TOM1L2: variants seen among roughly 807,000 people sequenced by gnomAD.
The protein encoded by TOM1L2 is TOM1-like protein 2.
Under a neutral mutation model 67.9 loss-of-function variants are expected in TOM1L2, and 31 were observed. The ratio of observed to expected loss-of-function variants is 0.46; its 90% confidence interval spans 0.34 to 0.62. TOM1L2 has a LOEUF of 0.62. TOM1L2 is among the 20% of genes least tolerant of loss of function. The probability of loss-of-function intolerance (pLI) is 0.01; values close to 1 mark genes in which losing one functional copy is unlikely to be tolerated. For synonymous variants in TOM1L2, 256 were observed against 254.0 expected (o/e 1.01, Z -0.07); for missense variants, 606 against 663.5 (o/e 0.91, Z 0.95).
At position 17,910,657 on chromosome 17, in the gene TOM1L2, C is replaced by T. The variant is rs531043529; in HGVS notation, c.53-3126G>A. Among the ~76,000 whole-genome samples, 358 of 151,642 alleles carry T rather than the reference C, an allele frequency of 2.4e-3. 1 individual carries two copies. Among genetic ancestry groups the T allele is most frequent in the Non-Finnish European group, 3.8e-3 (259 of 67,842 alleles). ...TGATCTCGGCTCACTGCAACCTTTA[C>T]CTCCTGGGTTCAAGCAATTCTCCTG... On this transcript the variant is annotated intron_variant, in intron 1 of 14. Transcript: ENST00000379504.
chr17:17,880,014 G>A (rs758623530), intron 6 of TOM1L2, among the ~76,000 whole-genome samples: 5 of 152,174 alleles, frequency 3.3e-5, no homozygotes, highest in Non-Finnish European at 5.9e-5. Flanking sequence ...GAAGGGCTCC[G>A]TGTCAGGAGT....
Position 17,861,480 on chromosome 17 carries a change from T to A in TOM1L2, c.1274A>T (p.Glu425Val), listed in dbSNP as rs1185640622. The A allele has an allele frequency of 6.2e-7, 1 of 1,614,020 alleles. No individual in the cohort carries two copies. The highest frequency in any genetic ancestry group is 1.7e-5 in the Admixed American group (1 of 60,030). ...AAAACAGGGTTAAAGACCTACCCCT[T>A]CTGAACTCTGTTTTCGATTGTCTAG... ...SALDNRKQSS[E>V]GIPVAQPSVM... Residue 425 changes from glutamate to valine, a missense_variant, in exon 12 of 15, where the codon GAA becomes GTA. Coordinates refer to ENST00000379504, the MANE Select transcript of TOM1L2 (RefSeq NM_001082968.2).
rs1277596046 is a variant in TOM1L2, at chr17:17,862,918, C to G, written c.1085-70G>C. The G allele has an allele frequency of 1.2e-5, 11 of 941,674 alleles. No homozygotes were observed. The African/African-American group carries it at 1.8e-4, about 15-fold the overall frequency. 58.3% of individuals were successfully genotyped at this position (941,674 alleles called of 1,614,324 possible). A position where few individuals can be genotyped will look rare whatever the true frequency, so the allele number is the denominator to read the frequency against. On this transcript the variant is annotated intron_variant, in intron 10 of 14. Coordinates refer to ENST00000379504, the MANE Select transcript of TOM1L2 (RefSeq NM_001082968.2). ...GACTGTAGATCTGATGAAGGGCCCC[C>G]AAGCTAGGACGCCAGCCAGGTGGGT...
intron 1 of TOM1L2, among the ~76,000 whole-genome samples, chr17:17,965,861 C>T (rs2041855372): frequency 6.6e-6 from 1 of 152,196 alleles, no homozygotes; most frequent in Admixed American, 6.5e-5. Context: ...TGGCTCACAC[C>T]TGTAATCCCA....
intron 9 of TOM1L2, 108 bp downstream of exon 9, chr17:17,866,768 C>G: frequency 8.5e-7 from 1 of 1,172,068 alleles, no homozygotes; most frequent in East Asian, 2.3e-5. Context: ...CTTCAATTTC[C>G]CAAATATTTC....
chr17:17,902,447 C>T (rs1225707699), intron 2 of TOM1L2, among the ~76,000 whole-genome samples: 1 of 152,210 alleles, frequency 6.6e-6, no homozygotes, highest in Admixed American at 6.5e-5. Context: ...GCCAGGTGAG[C>T]CTGTGCTTGC....
chr17:17,913,398 C>T (rs1422878695), intron 1 of TOM1L2, among the ~76,000 whole-genome samples: 1 of 151,956 alleles, frequency 6.6e-6, no homozygotes, highest in African/African-American at 2.4e-5. Flanking sequence ...GGAGCAGATG[C>T]CGGGCCATCC....
chr17:17,930,943 T>C (rs1367006065), intron 1 of TOM1L2, among the ~76,000 whole-genome samples: 2 of 152,186 alleles, frequency 1.3e-5, no homozygotes, highest in African/African-American at 4.8e-5. Flanking sequence ...ACAGTAAGTT[T>C]TGAGATTTAT....
rs2042149728 is a variant in TOM1L2, at chr17:17,972,383, A to C, written c.-70T>G. 6.5e-7 allele frequency: 1 copy of C among 1,542,186 alleles called. No individual in the cohort carries two copies. Among genetic ancestry groups the C allele is most frequent in the Non-Finnish European group, 8.8e-7 (1 of 1,142,110 alleles). On this transcript the variant is annotated 5_prime_UTR_variant, in exon 1 of 15. Coordinates refer to ENST00000379504, the MANE Select transcript of TOM1L2 (RefSeq NM_001082968.2). Reference sequence around the variant, plus strand: ...CTAGGCCTCCGCTGTAACCCGCCGGACTCCCGTCCTGACTGACACTTGCCC... The same window carrying C: ...CTAGGCCTCCGCTGTAACCCGCCGGCCTCCCGTCCTGACTGACACTTGCCC...
chr17:17,952,587 G>A (rs1384855016), intron 1 of TOM1L2, among the ~76,000 whole-genome samples: 4 of 151,778 alleles, frequency 2.6e-5, no homozygotes, highest in African/African-American at 9.7e-5. Context: ...TAGCAACAAG[G>A]TCTTACTGTG....
At chr17:17,970,759 C>T (rs1408693656) in intron 1 of TOM1L2, among the ~76,000 whole-genome samples, 1 of 151,476 alleles carries the variant, frequency 6.6e-6, no homozygotes, top group Non-Finnish European at 1.5e-5. Flanking sequence ...ATAGGCTCCA[C>T]TAAAGGCTGG....
chr17:17,900,211 C>T (rs2038779750), intron 2 of TOM1L2, among the ~76,000 whole-genome samples: 1 of 149,764 alleles, frequency 6.7e-6, no homozygotes, highest in South Asian at 2.1e-4. Flanking sequence ...GAAACTTCAT[C>T]TCCATAAAAA....
chr17:17,908,620 G>A (rs1158732227), intron 1 of TOM1L2, among the ~76,000 whole-genome samples: 1 of 152,092 alleles, frequency 6.6e-6, no homozygotes, highest in Non-Finnish European at 1.5e-5. Context: ...ATTAAAAAAT[G>A]GGAAAGGACT....
At chr17:17,938,278 G>A (rs1338579694) in intron 1 of TOM1L2, among the ~76,000 whole-genome samples, 5 of 152,186 alleles carry the variant, frequency 3.3e-5, no homozygotes, top group African/African-American at 4.8e-5. Context: ...AAGTCTGGGC[G>A]GGTAGCCACC....
intron 1 of TOM1L2, among the ~76,000 whole-genome samples, chr17:17,928,796 AT>A (rs150561338): frequency 6.0e-5 from 9 of 150,756 alleles, no homozygotes; most frequent in Admixed American, 2.0e-4. Context: ...GTGTCTCAGG[AT>A]TTTTTTTTTC....
chr17:17,931,315 G>A (rs1450311657), intron 1 of TOM1L2, among the ~76,000 whole-genome samples: 1 of 152,126 alleles, frequency 6.6e-6, no homozygotes, highest in Non-Finnish European at 1.5e-5. Flanking sequence ...GCACTGCCAA[G>A]CAAGGCAGAG....
At chr17:17,869,783 C>A (rs2037058417) in intron 7 of TOM1L2, 1 of 725,746 alleles carries the variant, frequency 1.4e-6, no homozygotes, top group East Asian at 7.5e-5. Context: ...TTTTTCTCAA[C>A]AAAATATTCC....
In TOM1L2 at chr17:17,846,960, G is replaced by C. The variant is rs530566730; in HGVS notation, c.*675C>G. The C allele has an allele frequency of 1.3e-5, 2 of 152,424 alleles. No homozygotes were observed. Among genetic ancestry groups the C allele is most frequent in the African/African-American group, 4.8e-5 (2 of 41,466 alleles). 9.4% of individuals were successfully genotyped at this position (152,424 alleles called of 1,614,324 possible). A position where few individuals can be genotyped will look rare whatever the true frequency, so the allele number is the denominator to read the frequency against. On this transcript the variant is annotated 3_prime_UTR_variant, in exon 15 of 15. Transcript: ENST00000379504. ...GTCCTTGGCCCTCTCCCTGCCCAGG[G>C]AGCCTGCAGGGACCCTCGGTGCCAG...
At chr17:17,872,164 A>C in intron 7 of TOM1L2, 1 of 428,828 alleles carries the variant, frequency 2.3e-6, no homozygotes, top group Non-Finnish European at 3.1e-6. Context: ...GGAAACACTC[A>C]TTACAGAATG....
Sources: allele counts gnomAD v4.1 joint callset (sites outside exome capture counted in the v4.1 genomes callset), GRCh38; gene constraint gnomAD v4.1.1; transcripts MANE v1.5; gene names NCBI Gene and HGNC (gene_info 2026-07-23, HGNC 2026-07-21).